MND1: variants seen among roughly 807,000 people sequenced by gnomAD.
MND1 encodes meiotic nuclear division protein 1 homolog.
MND1 carries 28 observed loss-of-function variants against 35.1 expected under a neutral mutation model. The observed-to-expected ratio is 0.80, with a 90% CI of 0.59 to 1.09. The LOEUF (loss-of-function observed/expected upper bound fraction) is 1.09, where lower values mean the gene tolerates loss of function less well. Among genes scored for constraint, MND1 ranks in the 50% least tolerant of loss-of-function variants. MND1 has a pLI of 0.00. For synonymous variants in MND1, 69 were observed against 70.5 expected (o/e 0.98, Z 0.11); for missense variants, 213 against 239.6 (o/e 0.89, Z 0.73).
rs138451579 is a variant in MND1, at chr4:153,351,305, A to G, written c.69+1176A>G. Among the ~76,000 whole-genome samples, 29 of 152,324 alleles carry G rather than the reference A, an allele frequency of 1.9e-4. No individual in the cohort carries two copies. In the East Asian group the frequency reaches 5.2e-3, roughly 27 times the overall value. ...TTAAACCTTGTCCTTAGTAACATCA[A>G]AACATGAAAGACTCTGAGGATCAGC... On this transcript the variant is annotated intron_variant, in intron 2 of 7. Transcript: ENST00000240488.
chr4:153,347,824 T>C lies in MND1; in HGVS notation c.4-2240T>C, dbSNP rs1392207376. Among the ~76,000 whole-genome samples, 3 of 152,224 alleles carry C rather than the reference T, an allele frequency of 2.0e-5. No individual in the cohort carries two copies. The East Asian group carries it at 5.8e-4, about 29-fold the overall frequency. On this transcript the variant is annotated intron_variant, in intron 1 of 7. Coordinates refer to ENST00000240488, the MANE Select transcript of MND1 (RefSeq NM_032117.4). Reference sequence around the variant, plus strand: ...TCTTCGAGTAGATAATTACAGGCAGTTTTTGTATTACAAGTTGCTTAGGTC... The same window carrying C: ...TCTTCGAGTAGATAATTACAGGCAGCTTTTGTATTACAAGTTGCTTAGGTC...
chr4:153,346,960 T>G (rs1225437628), intron 1 of MND1, among the ~76,000 whole-genome samples: 2 of 152,214 alleles, frequency 1.3e-5, no homozygotes, highest in African/African-American at 4.8e-5. Context: ...CTGACAAAAG[T>G]AGGGTTCTCA....
chr4:153,409,273 C>T, intron 7 of MND1: 1 of 168,654 alleles, frequency 5.9e-6, no homozygotes, highest in Non-Finnish European at 1.3e-5. Flanking sequence ...TGCAACTTTT[C>T]CCAAGATAAG....
chr4:153,379,365 T>C (rs937827585), intron 4 of MND1, among the ~76,000 whole-genome samples: 3 of 151,460 alleles, frequency 2.0e-5, no homozygotes, highest in Admixed American at 6.6e-5. Context: ...TATTCTATTT[T>C]AAAATACTGA....
chr4:153,378,096 A>G (rs1486172372), intron 4 of MND1, among the ~76,000 whole-genome samples: 1 of 152,186 alleles, frequency 6.6e-6, no homozygotes, highest in African/African-American at 2.4e-5. Flanking sequence ...ATACAGAAAC[A>G]TGATGAATTT....
intron 6 of MND1, among the ~76,000 whole-genome samples, chr4:153,402,086 C>G (rs566103138): frequency 6.6e-6 from 1 of 152,092 alleles, no homozygotes; most frequent in South Asian, 2.1e-4. Context: ...ACTGGGGAGG[C>G]GAAGGCTGCA....
chr4:153,345,138 C>T (rs931384953), intron 1 of MND1, among the ~76,000 whole-genome samples: 1 of 151,584 alleles, frequency 6.6e-6, no homozygotes, highest in Non-Finnish European at 1.5e-5. Context: ...CCCTACGCCT[C>T]CAGCTTCGGC....
At chr4:153,399,848 C>T (rs1579949811) in intron 6 of MND1, among the ~76,000 whole-genome samples, 1 of 150,224 alleles carries the variant, frequency 6.7e-6, no homozygotes, top group Admixed American at 6.6e-5. Flanking sequence ...TATGAGGTCT[C>T]ACTGAGAGAA....
intron 4 of MND1, among the ~76,000 whole-genome samples, chr4:153,389,349 T>TTTTATTTA (rs535399764): frequency 1.1e-4 from 17 of 151,992 alleles, no homozygotes; most frequent in African/African-American, 2.7e-4. Flanking sequence ...GTAAATACCT[T>TTTTATTTA]TTTATTTATT....
intron 4 of MND1, among the ~76,000 whole-genome samples, chr4:153,379,875 A>ACC (rs1728622597): frequency 7.6e-6 from 1 of 132,340 alleles, no homozygotes; most frequent in African/African-American, 3.0e-5. Flanking sequence ...AAAAAAAAAA[A>ACC]ATCAGGTGTT....
At chr4:153,385,588 C>T (rs1373215516) in intron 4 of MND1, among the ~76,000 whole-genome samples, 2 of 151,734 alleles carry the variant, frequency 1.3e-5, no homozygotes, top group Admixed American at 6.6e-5. Flanking sequence ...TGGTGGTGCA[C>T]ACTTGTTTTC....
At chr4:153,369,578 T>C (rs1482203243) in intron 4 of MND1, among the ~76,000 whole-genome samples, 2 of 147,184 alleles carry the variant, frequency 1.4e-5, no homozygotes, top group Admixed American at 6.9e-5. Flanking sequence ...AATTTAAAAA[T>C]ACTTTATTGC....
At chr4:153,346,671 T>TA (rs1419126340) in intron 1 of MND1, among the ~76,000 whole-genome samples, 1 of 152,236 alleles carries the variant, frequency 6.6e-6, no homozygotes, top group Non-Finnish European at 1.5e-5. Context: ...AAATGGATGA[T>TA]ACAGCTCATC....
At chr4:153,393,186 CTTT>C (rs1181179788) in intron 4 of MND1, among the ~76,000 whole-genome samples, 9 of 152,038 alleles carry the variant, frequency 5.9e-5, no homozygotes, top group South Asian at 2.1e-4. Flanking sequence ...TTTTTTTCTT[CTTT>C]GAGAACATAA....
intron 3 of MND1, among the ~76,000 whole-genome samples, chr4:153,357,233 G>A (rs1773368832): frequency 6.6e-6 from 1 of 152,092 alleles, no homozygotes; most frequent in Non-Finnish European, 1.5e-5. Flanking sequence ...CAACCACTGA[G>A]AGTCCCTCAC....
intron 4 of MND1, among the ~76,000 whole-genome samples, chr4:153,388,954 T>C (rs2149650107): frequency 6.6e-6 from 1 of 152,316 alleles, no homozygotes; most frequent in South Asian, 2.1e-4. Flanking sequence ...GATGGTTTCT[T>C]TCCCAGTGTG....
chr4:153,351,446 C>A (rs1050158849), intron 2 of MND1, among the ~76,000 whole-genome samples: 2 of 152,062 alleles, frequency 1.3e-5, no homozygotes, highest in Non-Finnish European at 2.9e-5. Context: ...TAATCAGTTG[C>A]TGCTCATTTA....
intron 4 of MND1, among the ~76,000 whole-genome samples, chr4:153,359,836 G>A (rs1419934922): frequency 2.8e-5 from 4 of 145,312 alleles, no homozygotes; most frequent in Non-Finnish European, 6.0e-5. Context: ...TGACCAGGCT[G>A]GAGTGCAATG....
intron 4 of MND1, among the ~76,000 whole-genome samples, chr4:153,381,476 A>G (rs1459008180): frequency 4.0e-5 from 6 of 150,896 alleles, no homozygotes; most frequent in Non-Finnish European, 8.8e-5. Context: ...AACTGGGCCT[A>G]CAATTTTGAT....
Sources: allele counts gnomAD v4.1 joint callset (sites outside exome capture counted in the v4.1 genomes callset), GRCh38; gene constraint gnomAD v4.1.1; transcripts MANE v1.5; gene names NCBI Gene and HGNC (gene_info 2026-07-23, HGNC 2026-07-21).